HECTD2: variants seen among roughly 807,000 people sequenced by gnomAD.
HECTD2 encodes probable E3 ubiquitin-protein ligase HECTD2.
HECTD2 carries 35 observed loss-of-function variants against 103.2 expected under a neutral mutation model. The ratio of observed to expected loss-of-function variants is 0.34; its 90% confidence interval spans 0.26 to 0.45. The LOEUF is 0.45. Among genes scored for constraint, HECTD2 ranks in the 20% least tolerant of loss-of-function variants. HECTD2 has a pLI of 1.00. For missense variants in HECTD2, 596 were observed against 937.4 expected, an observed-to-expected ratio of 0.64 and a Z score of 4.76; for synonymous variants, 281 against 329.9, an observed-to-expected ratio of 0.85 and a Z score of 1.61.
rs138606624 is a variant in HECTD2, at chr10:91,433,156, G to A, written c.268+7746G>A. Among the ~76,000 whole-genome samples the A allele has an allele frequency of 3.4e-3, 521 of 151,996 alleles. 3 individuals carry two copies. Among genetic ancestry groups the A allele is most frequent in the South Asian group, 7.0e-3 (34 of 4,824 alleles). ...CTAAATCTCTAAGATCTTTCCCTAG[G>A]TCAGAGTGGGTAACTTGGATTTGAC... On this transcript the variant is annotated intron_variant, in intron 2 of 20. Transcript: ENST00000298068.
chr10:91,482,910 C>A, intron 7 of HECTD2, 57 bp from the exon 8 acceptor site: 1 of 753,898 alleles, frequency 1.3e-6, no homozygotes. Context: ...AGCTTAGTGT[C>A]TTTCCTTTTA....
Position 91,497,980 on chromosome 10 carries a change from T to A in HECTD2, c.1681-128T>A, listed in dbSNP as rs555785762. 4.7e-6 allele frequency: 3 copies of A among 631,952 alleles called. No homozygotes were observed. In the South Asian group the frequency reaches 5.8e-5, roughly 12 times the overall value. The allele number at this position is 631,952 out of a possible 1,614,324, so 39.1% of individuals were successfully genotyped here. Reference sequence around the variant, plus strand: ...TGGATGGTAGAAATCATTAACCATTTTGTGCCCTGGAAAATACATGTCAAA... The same window carrying A: ...TGGATGGTAGAAATCATTAACCATTATGTGCCCTGGAAAATACATGTCAAA... On this transcript the variant is annotated intron_variant, in intron 15 of 20. Coordinates refer to ENST00000298068, the MANE Select transcript of HECTD2 (RefSeq NM_182765.6).
chr10:91,487,837 A>G lies in HECTD2; in HGVS notation c.1191+59A>G. The G allele has an allele frequency of 1.0e-6, 1 of 956,236 alleles. No homozygotes were observed. The allele number at this position is 956,236 out of a possible 1,614,324, so 59.2% of individuals were successfully genotyped here. ...TATAATCAGTATAGTAAATAATTTA[A>G]TAAATAATTTAAATGTCTTGTGAAT... is the stretch of plus-strand genomic sequence containing the variant. On this transcript the variant is annotated intron_variant, in intron 11 of 20. Coordinates refer to ENST00000298068, the MANE Select transcript of HECTD2 (RefSeq NM_182765.6). The surrounding 1 kb of genome is among the most constrained non-coding windows in gnomAD (Gnocchi z 4.1).
At chr10:91,437,619 C>CTT (rs59785873) in intron 2 of HECTD2, among the ~76,000 whole-genome samples, 11 of 87,404 alleles carry the variant, frequency 1.3e-4, no homozygotes, top group African/African-American at 2.6e-4. Flanking sequence ...GATGGTTGTT[C>CTT]TTTTTTTTTT....
chr10:91,419,738 G>A (rs941746803), intron 1 of HECTD2, among the ~76,000 whole-genome samples: 1 of 151,984 alleles, frequency 6.6e-6, no homozygotes, highest in African/African-American at 2.4e-5. Flanking sequence ...GTTTTTCCCT[G>A]TGTTCTCTAT....
chr10:91,451,370 G>A (rs188892608), intron 2 of HECTD2, among the ~76,000 whole-genome samples: 4 of 152,062 alleles, frequency 2.6e-5, no homozygotes, highest in East Asian at 1.9e-4. Context: ...GGGGCCTTTC[G>A]GTGGATTGGG....
At position 91,500,377 on chromosome 10, in the gene HECTD2, A is replaced by G. The variant is rs549552540; in HGVS notation, c.1951-125A>G. On this transcript the variant is annotated intron_variant, in intron 18 of 20. Transcript: ENST00000298068. ...TATACCCAGAGTCGATTTTTCTTCA[A>G]CAAAAATGGTTTGATTTACTATGAG... The G allele has an allele frequency of 9.0e-6, 4 of 442,612 alleles. No homozygotes were observed. In the East Asian group the frequency reaches 1.5e-4, roughly 17 times the overall value. 27.4% of individuals were successfully genotyped at this position (442,612 alleles called of 1,614,324 possible).
At chr10:91,419,418 GTGTT>G (rs1229999526) in intron 1 of HECTD2, among the ~76,000 whole-genome samples, 3 of 152,000 alleles carry the variant, frequency 2.0e-5, no homozygotes, top group South Asian at 2.1e-4. Flanking sequence ...GGTACTCTAA[GTGTT>G]TGTCTGTTTA....
At chr10:91,502,293 T>G (rs1472196225) in intron 20 of HECTD2, among the ~76,000 whole-genome samples, 1 of 152,190 alleles carries the variant, frequency 6.6e-6, no homozygotes, top group Non-Finnish European at 1.5e-5. Flanking sequence ...TATGCCTTTC[T>G]TCCTCCATGC....
chr10:91,462,589 T>G (rs1193474638), intron 5 of HECTD2: 4 of 1,043,642 alleles, frequency 3.8e-6, no homozygotes, highest in Middle Eastern at 4.2e-4. Context: ...AGCCCAAGAA[T>G]TTTCATTTGT....
chr10:91,410,590 CG>C lies in HECTD2; in HGVS notation c.138+18del. On this transcript the variant is annotated intron_variant, in intron 1 of 20. Transcript: ENST00000298068. Reference sequence around the variant, plus strand: ...GGCGCGACCGCGGTAGGTGGTGGGCCGGGGCCGTCTGGCGCCCCGGACGGCG... The same window carrying C: ...GGCGCGACCGCGGTAGGTGGTGGGCCGGGCCGTCTGGCGCCCCGGACGGCG... 3 of 1,271,066 alleles carry C rather than the reference CG, an allele frequency of 2.4e-6. No homozygotes were observed. The highest frequency in any genetic ancestry group is 2.0e-6 in the Non-Finnish European group (2 of 1,022,162). 78.7% of individuals were successfully genotyped at this position (1,271,066 alleles called of 1,614,324 possible).
Position 91,514,516 on chromosome 10 carries a change from A to T in HECTD2, c.*2132A>T, listed in dbSNP as rs1589563137. ...AAAAAGCTAGAAAATTCATGTAGTT[A>T]CTTTTTTTACATATATAATCTGTTA... On this transcript the variant is annotated 3_prime_UTR_variant, in exon 21 of 21. Coordinates refer to ENST00000298068, the MANE Select transcript of HECTD2 (RefSeq NM_182765.6). 2 of 152,614 alleles carry T rather than the reference A, an allele frequency of 1.3e-5. No individual in the cohort carries two copies. The highest frequency in any genetic ancestry group is 4.8e-5 in the African/African-American group (2 of 41,468). 9.5% of individuals were successfully genotyped at this position (152,614 alleles called of 1,614,324 possible).
intron 20 of HECTD2, among the ~76,000 whole-genome samples, chr10:91,504,578 A>G (rs1438010778): frequency 2.0e-5 from 3 of 152,092 alleles, no homozygotes; most frequent in Admixed American, 2.0e-4. Context: ...GTTTAGAGAA[A>G]AAAGAATAAA....
intron 2 of HECTD2, among the ~76,000 whole-genome samples, chr10:91,431,667 C>T (rs1407858571): frequency 1.3e-5 from 2 of 152,024 alleles, no homozygotes; most frequent in African/African-American, 2.4e-5. Context: ...TCCAGTTGAT[C>T]GCATCGGCTC....
At chr10:91,415,827 T>A (rs1843105765) in intron 1 of HECTD2, among the ~76,000 whole-genome samples, 1 of 152,232 alleles carries the variant, frequency 6.6e-6, no homozygotes, top group African/African-American at 2.4e-5. Flanking sequence ...CTAGGATATC[T>A]ATTTGCTTTT....
chr10:91,506,397 A>G (rs1250786670), intron 20 of HECTD2, among the ~76,000 whole-genome samples: 5 of 147,630 alleles, frequency 3.4e-5, no homozygotes, highest in Non-Finnish European at 7.4e-5. Flanking sequence ...AAAGAAAAAA[A>G]GAGAGAAGAA....
Position 91,487,649 on chromosome 10 carries a change from T to G in HECTD2, c.1095-33T>G. The G allele has an allele frequency of 7.2e-7, 1 of 1,385,134 alleles. No individual in the cohort carries two copies. Among genetic ancestry groups the G allele is most frequent in the Non-Finnish European group, 1.0e-6 (1 of 971,736 alleles). 85.8% of individuals were successfully genotyped at this position (1,385,134 alleles called of 1,614,324 possible). On this transcript the variant is annotated intron_variant, in intron 10 of 20. Transcript: ENST00000298068. This position sits in a 1 kb window ranked among gnomAD's most constrained non-coding sequence, Gnocchi z 4.1. ...GTATAATTTTGTTAAAAATACACCATTTTGCTTTTTCTTTTTTTCACTTGT... is the reference window on the plus strand; with the variant it reads ...GTATAATTTTGTTAAAAATACACCAGTTTGCTTTTTCTTTTTTTCACTTGT...
chr10:91,460,121 G>A (rs1166303675), intron 2 of HECTD2, among the ~76,000 whole-genome samples: 2 of 152,104 alleles, frequency 1.3e-5, no homozygotes, highest in Non-Finnish European at 2.9e-5. Flanking sequence ...TTTGGGAAGA[G>A]GGGAGAGGAA....
chr10:91,487,957 ACTCT>A lies in HECTD2; in HGVS notation c.1191+181_1191+184del, dbSNP rs1026551159. The A allele has an allele frequency of 1.3e-4, 57 of 438,120 alleles. No homozygotes were observed. The Admixed American group carries it at 1.3e-3, about 10-fold the overall frequency. The allele number at this position is 438,120 out of a possible 1,614,324, so 27.1% of individuals were successfully genotyped here. ...TATTTACAATTTGGGAGACAAGATAACTCTCATCTCTTCTGATCAACTTCTCATT... is the reference window on the plus strand; with the variant it reads ...TATTTACAATTTGGGAGACAAGATAACATCTCTTCTGATCAACTTCTCATT... On this transcript the variant is annotated intron_variant, in intron 11 of 20. Transcript: ENST00000298068. This position sits in a 1 kb window ranked among gnomAD's most constrained non-coding sequence, Gnocchi z 4.1.
Sources: allele counts gnomAD v4.1 joint callset (sites outside exome capture counted in the v4.1 genomes callset), GRCh38; gene constraint gnomAD v4.1.1; non-coding constraint Gnocchi (gnomAD v3.1); transcripts MANE v1.5; gene names NCBI Gene and HGNC (gene_info 2026-07-23, HGNC 2026-07-21).